The following ANO6 variants were observed in gnomAD, a reference collection of about 807,000 sequenced individuals.
The protein encoded by ANO6 is anoctamin-6.
A neutral mutation model predicts 117.5 loss-of-function variants in ANO6; 106 were observed. The observed-to-expected ratio is 0.90, with a 90% CI of 0.77 to 1.06. The LOEUF (loss-of-function observed/expected upper bound fraction) is 1.06. ANO6 is among the 50% of genes least tolerant of loss of function. ANO6 has a pLI of 0.00. For synonymous variants in ANO6, 367 were observed against 385.1 expected (o/e 0.95, Z 0.55); for missense variants, 955 against 1,121.1 (o/e 0.85, Z 2.12).
chr12:45,261,593 T>G (rs1938035695), intron 1 of ANO6, among the ~76,000 whole-genome samples: 2 of 152,240 alleles, frequency 1.3e-5, no homozygotes, highest in Non-Finnish European at 2.9e-5. Context: ...GTCCTGAGTT[T>G]GTGTAACTCC....
At chr12:45,250,755 G>A (rs1381071799) in intron 1 of ANO6, among the ~76,000 whole-genome samples, 1 of 137,688 alleles carries the variant, frequency 7.3e-6, no homozygotes, top group East Asian at 2.1e-4. Flanking sequence ...ACATGCTCTG[G>A]TTACTTAAAA....
chr12:45,223,411 G>A (rs181319007), intron 1 of ANO6, among the ~76,000 whole-genome samples: 16 of 152,240 alleles, frequency 1.1e-4, no homozygotes, highest in Non-Finnish European at 2.1e-4. Context: ...AGAAATCCTT[G>A]CACATTTGGT....
At chr12:45,306,032 A>AG (rs1158762206) in intron 2 of ANO6, among the ~76,000 whole-genome samples, 41 of 152,234 alleles carry the variant, frequency 2.7e-4, no homozygotes, top group African/African-American at 7.5e-4. Flanking sequence ...ACATGAGCTG[A>AG]GGGATGGGGT....
chr12:45,239,492 C>A (rs1947703150), intron 1 of ANO6, among the ~76,000 whole-genome samples: 1 of 132,304 alleles, frequency 7.6e-6, no homozygotes, highest in Admixed American at 8.5e-5. Flanking sequence ...AGAAAACCAG[C>A]TCCTGGATTC....
At position 45,298,076 on chromosome 12, in the gene ANO6, C is replaced by A. The variant is rs181782463; in HGVS notation, c.71-3938C>A. ...ACTGCACTTTCATTGTGCATCCATG[C>A]GAAATCCCACTGACGTATCAAGACC... On this transcript the variant is annotated intron_variant, in intron 1 of 19. Transcript: ENST00000320560. Among the ~76,000 whole-genome samples, 202 of 152,222 alleles carry A rather than the reference C, an allele frequency of 1.3e-3. 2 individuals are homozygous for A. The highest frequency in any genetic ancestry group is 4.6e-3 in the African/African-American group (192 of 41,532).
At position 45,307,231 on chromosome 12, in the gene ANO6, G is replaced by A. The variant is rs528566501; in HGVS notation, c.150+5138G>A. Among the ~76,000 whole-genome samples, 11 of 152,252 alleles carry A rather than the reference G, an allele frequency of 7.2e-5. No homozygotes were observed. In the East Asian group the frequency reaches 1.7e-3, roughly 24 times the overall value. The stretch of plus-strand genomic sequence containing the variant: ...GATCCCTTGGGCTGTCCTGAGAATA[G>A]ATTATGGAGGAGCAGAGCAGGGGCA... On this transcript the variant is annotated intron_variant, in intron 2 of 19. Transcript: ENST00000320560.
intron 1 of ANO6, among the ~76,000 whole-genome samples, chr12:45,224,929 G>A (rs553648662): frequency 6.6e-6 from 1 of 152,274 alleles, no homozygotes; most frequent in East Asian, 1.9e-4. Context: ...GATGGGTCAT[G>A]CCTATTATCT....
chr12:45,272,717 C>T (rs551913651), intron 1 of ANO6, among the ~76,000 whole-genome samples: 1 of 152,230 alleles, frequency 6.6e-6, no homozygotes, highest in South Asian at 2.1e-4. Context: ...ATATAAATTG[C>T]ATAACCATTA....
At chr12:45,259,910 C>T (rs1937966632) in intron 1 of ANO6, among the ~76,000 whole-genome samples, 4 of 152,240 alleles carry the variant, frequency 2.6e-5, no homozygotes, top group Admixed American at 2.6e-4. Context: ...CTCCCACAGG[C>T]ACTGTAGGTC....
chr12:45,255,348 C>T (rs761337777), intron 1 of ANO6, among the ~76,000 whole-genome samples: 1 of 152,056 alleles, frequency 6.6e-6, no homozygotes, highest in Non-Finnish European at 1.5e-5. Context: ...AAAAATACAA[C>T]AACAATTAGC....
At chr12:45,257,382 G>A (rs1592882211) in intron 1 of ANO6, among the ~76,000 whole-genome samples, 1 of 152,258 alleles carries the variant, frequency 6.6e-6, no homozygotes, top group Middle Eastern at 3.4e-3. Flanking sequence ...CCAGTCTGAT[G>A]TGCCACAGAC....
intron 2 of ANO6, among the ~76,000 whole-genome samples, chr12:45,321,028 G>A (rs1393362369): frequency 6.6e-6 from 1 of 152,020 alleles, no homozygotes; most frequent in Non-Finnish European, 1.5e-5. Context: ...ACGTGAGATG[G>A]GTTTCCTGAA....
Position 45,292,960 on chromosome 12 carries a change from G to GT in ANO6, c.71-9052dup, listed in dbSNP as rs1565668923. 2.6e-6 allele frequency: 4 copies of GT among 1,551,238 alleles called. No homozygotes were observed. In the Admixed American group the frequency reaches 7.8e-5, roughly 30 times the overall value. Reference sequence around the variant, plus strand: ...GTAAGAACATGTTCCTATTTGGTGAGTTGCTGGAACAGTGAGCAGTGGGCA... The same window carrying GT: ...GTAAGAACATGTTCCTATTTGGTGAGTTTGCTGGAACAGTGAGCAGTGGGCA... On this transcript the variant is annotated intron_variant, in intron 1 of 19. Transcript: ENST00000320560.
intron 10 of ANO6, among the ~76,000 whole-genome samples, chr12:45,385,289 C>T (rs926706216): frequency 1.3e-5 from 2 of 151,914 alleles, no homozygotes; most frequent in African/African-American, 2.4e-5. Context: ...TAAAATGGGC[C>T]CTTTCTGAGA....
chr12:45,339,724 G>A (rs1054198261), intron 3 of ANO6, among the ~76,000 whole-genome samples: 17 of 151,814 alleles, frequency 1.1e-4, no homozygotes, highest in Non-Finnish European at 5.9e-5. Flanking sequence ...CCAAACCTTC[G>A]GGAGAACTAA....
intron 18 of ANO6, 24 bp from the exon 19 acceptor site, chr12:45,422,933 A>G (rs1943403205): frequency 6.5e-7 from 1 of 1,529,754 alleles, no homozygotes. Flanking sequence ...TTTGTCTCCC[A>G]ATATGTCTCC....
intron 2 of ANO6, among the ~76,000 whole-genome samples, chr12:45,306,181 A>C (rs1281188974): frequency 6.6e-6 from 1 of 152,198 alleles, no homozygotes; most frequent in Non-Finnish European, 1.5e-5. Flanking sequence ...TTATGATCTG[A>C]GACTGACATT....
At chr12:45,335,503 T>C (rs780252005) in intron 3 of ANO6, 13 of 152,008 alleles carry the variant, frequency 8.6e-5, no homozygotes, top group South Asian at 2.1e-4. Flanking sequence ...TAAAGCTTTA[T>C]AATACAGGTT....
chr12:45,344,546 G>T (rs11182991), intron 3 of ANO6, among the ~76,000 whole-genome samples: 12,108 of 152,106 alleles, frequency 0.08, 694 homozygotes, highest in East Asian at 0.32. Context: ...GATCTCGTGA[G>T]AACTCACTAT....
Sources: gnomAD v4.1 joint callset for allele counts (sites outside exome capture counted in the v4.1 genomes callset) on GRCh38, gnomAD v4.1.1 for gene constraint, MANE v1.5 for transcripts, NCBI Gene and HGNC (gene_info 2026-07-23, HGNC 2026-07-21) for gene names.